The following AUTS2 variants were observed in gnomAD, a reference collection of about 807,000 sequenced individuals.
The protein encoded by AUTS2 is activator of transcription and developmental regulator AUTS2, also known as autism susceptibility gene 2 protein.
In AUTS2, 17 loss-of-function variants were observed where a neutral mutation model predicts 112.4. The observed-to-expected ratio is 0.15, with a 90% CI of 0.10 to 0.23. AUTS2 has a LOEUF of 0.23. Ranked by LOEUF, AUTS2 falls within the 10% of genes least tolerant of loss-of-function variation. The pLI, the probability that AUTS2 is intolerant of heterozygous loss-of-function variation, is 1.00. For missense variants in AUTS2, 1,510 were observed against 1,701.6 expected, an observed-to-expected ratio of 0.89 and a Z score of 1.98; for synonymous variants, 751 against 702.7, an observed-to-expected ratio of 1.07 and a Z score of -1.09.
Position 70,786,077 on chromosome 7 carries a change from T to C in AUTS2, c.2308+39T>C, listed in dbSNP as rs774962489. The C allele has an allele frequency of 1.9e-6, 3 of 1,556,622 alleles. No homozygotes were observed. The African/African-American group carries it at 4.1e-5, about 21-fold the overall frequency. On this transcript the variant is annotated intron_variant, in intron 17 of 18. Coordinates refer to ENST00000342771, the MANE Select transcript of AUTS2 (RefSeq NM_015570.4). ...ACTTTTAAAAATCTGCCTTGGACTT[T>C]TTATCTCCTGTGATCCGCATATGGC...
rs905392661 is a variant in AUTS2 at position 69,605,469 on chromosome 7, A to G, written c.309+5507A>G. Among the ~76,000 whole-genome samples the G allele has an allele frequency of 5.3e-5, 8 of 152,320 alleles. No individual in the cohort carries two copies. The East Asian group carries it at 1.2e-3, about 22-fold the overall frequency. On this transcript the variant is annotated intron_variant, in intron 1 of 18. Transcript: ENST00000342771. ...TTAATAGCTCTTTCAGTGTGATGATACTAGCCCAATTCTGATGCCACCAAG... is the reference window on the plus strand; with the variant it reads ...TTAATAGCTCTTTCAGTGTGATGATGCTAGCCCAATTCTGATGCCACCAAG...
chr7:69,843,337 G>C (rs974266412), intron 1 of AUTS2, among the ~76,000 whole-genome samples: 4 of 152,236 alleles, frequency 2.6e-5, no homozygotes, highest in African/African-American at 9.6e-5. Context: ...TGTTGGAATG[G>C]AGAGTAGTGA....
At chr7:69,991,781 A>G (rs1435389029) in intron 2 of AUTS2, among the ~76,000 whole-genome samples, 10 of 152,174 alleles carry the variant, frequency 6.6e-5, no homozygotes, top group Non-Finnish European at 1.2e-4. Context: ...AAAAATTGGG[A>G]AACTGAAGCT....
At position 69,779,050 on chromosome 7, in the gene AUTS2, T is replaced by TA. The variant is rs1554368326; in HGVS notation, c.310-120211dup. Among the ~76,000 whole-genome samples the TA allele has an allele frequency of 7.2e-3, 619 of 86,564 alleles. 4 individuals carry two copies. Among genetic ancestry groups the TA allele is most frequent in the East Asian group, 0.018 (45 of 2,526 alleles). 56.8% of individuals were successfully genotyped at this position (86,564 alleles called of 152,430 possible). The stretch of plus-strand genomic sequence containing the variant: ...ACATAGTTGTGAGCCTTTTTTTTTT[T>TA]AAAAAAAAAAAAAAAAAAAAAAAAA... On this transcript the variant is annotated intron_variant, in intron 1 of 18. Coordinates refer to ENST00000342771, the MANE Select transcript of AUTS2 (RefSeq NM_015570.4).
At chr7:70,763,964 C>T (rs114972244) in intron 7 of AUTS2, among the ~76,000 whole-genome samples, 4 of 152,172 alleles carry the variant, frequency 2.6e-5, no homozygotes, top group East Asian at 1.9e-4. Context: ...TACAAAGAAG[C>T]GTCTAAAAAG....
At chr7:70,277,380 T>G (rs1042152263) in intron 4 of AUTS2, among the ~76,000 whole-genome samples, 3 of 152,154 alleles carry the variant, frequency 2.0e-5, no homozygotes, top group Non-Finnish European at 4.4e-5. Flanking sequence ...AAGGGAGTGA[T>G]CAGGAGTGTT....
intron 2 of AUTS2, among the ~76,000 whole-genome samples, chr7:70,084,642 C>A (rs1032521805): frequency 8.7e-4 from 133 of 152,190 alleles, no homozygotes; most frequent in African/African-American, 3.1e-3. Context: ...TCATGTTGAG[C>A]ACCTTTTCAT....
At chr7:70,543,805 A>T (rs1263468099) in intron 5 of AUTS2, among the ~76,000 whole-genome samples, 3 of 152,196 alleles carry the variant, frequency 2.0e-5, no homozygotes, top group African/African-American at 7.2e-5. Context: ...TCTAACAGGT[A>T]TGGGAGTGCT....
At chr7:70,216,737 A>G (rs1212931160) in intron 4 of AUTS2, among the ~76,000 whole-genome samples, 2 of 152,176 alleles carry the variant, frequency 1.3e-5, no homozygotes, top group Non-Finnish European at 2.9e-5. Context: ...CTAGTTGCCC[A>G]TAGTGGTAGT....
chr7:70,694,052 G>C lies in AUTS2; in HGVS notation c.691-4517G>C, dbSNP rs1013934238. Reference sequence around the variant, plus strand: ...GCGCGCCGAGGAAGTCCCGCTCCGAGAGCTGCGAGCGTCTGGAGGAGGCGC... The same window carrying C: ...GCGCGCCGAGGAAGTCCCGCTCCGACAGCTGCGAGCGTCTGGAGGAGGCGC... On this transcript the variant is annotated intron_variant, in intron 5 of 18. Transcript: ENST00000342771. The surrounding 1 kb of genome is among the most constrained non-coding windows in gnomAD (Gnocchi z 4.1). 1 of 151,594 alleles carries C rather than the reference G, an allele frequency of 6.6e-6. No homozygotes were observed. Among genetic ancestry groups the C allele is most frequent in the African/African-American group, 2.4e-5 (1 of 41,408 alleles). The allele number at this position is 151,594 out of a possible 1,614,324, so 9.4% of individuals were successfully genotyped here.
At chr7:70,546,072 G>A (rs527586520) in intron 5 of AUTS2, among the ~76,000 whole-genome samples, 2 of 152,362 alleles carry the variant, frequency 1.3e-5, no homozygotes, top group South Asian at 2.1e-4. Flanking sequence ...TATATGTGGT[G>A]AATGGGCATT....
chr7:69,946,478 A>G (rs1796814334), intron 2 of AUTS2, among the ~76,000 whole-genome samples: 1 of 151,598 alleles, frequency 6.6e-6, no homozygotes, highest in African/African-American at 2.4e-5. Context: ...TCATTATGGC[A>G]TTATTCATAA....
intron 5 of AUTS2, among the ~76,000 whole-genome samples, chr7:70,544,836 T>C (rs1462651402): frequency 6.6e-6 from 1 of 152,108 alleles, no homozygotes; most frequent in Non-Finnish European, 1.5e-5. Context: ...AACAGTTTTC[T>C]CCTTCCCATG....
chr7:69,705,793 G>A (rs978011884), intron 1 of AUTS2, among the ~76,000 whole-genome samples: 1 of 152,154 alleles, frequency 6.6e-6, no homozygotes. Flanking sequence ...AGATCAAGGT[G>A]TTGAGAGGTT....
At chr7:69,783,741 T>G (rs1789244997) in intron 1 of AUTS2, among the ~76,000 whole-genome samples, 1 of 152,196 alleles carries the variant, frequency 6.6e-6, no homozygotes, top group Non-Finnish European at 1.5e-5. Context: ...GCTTTTGAAC[T>G]TTTCTTTCCC....
intron 2 of AUTS2, among the ~76,000 whole-genome samples, chr7:70,106,777 GGTT>G (rs1224022644): frequency 2.0e-5 from 3 of 152,028 alleles, no homozygotes; most frequent in Admixed American, 6.6e-5. Context: ...CTTTTATAAA[GGTT>G]GTTGTTGTTA....
intron 4 of AUTS2, among the ~76,000 whole-genome samples, chr7:70,197,261 C>CCA (rs10618080): frequency 0.011 from 1,633 of 149,182 alleles, 8 homozygotes; most frequent in African/African-American, 0.025. Context: ...AATTCTTAGT[C>CCA]CACACACACA....
At chr7:70,708,401 G>T (rs555718729) in intron 6 of AUTS2, among the ~76,000 whole-genome samples, 1 of 152,184 alleles carries the variant, frequency 6.6e-6, no homozygotes, top group South Asian at 2.1e-4. Flanking sequence ...TCGTTCAATT[G>T]GCTTAAGGTG....
intron 2 of AUTS2, among the ~76,000 whole-genome samples, chr7:70,113,250 T>C (rs922647444): frequency 6.6e-6 from 1 of 152,152 alleles, no homozygotes; most frequent in Non-Finnish European, 1.5e-5. Flanking sequence ...TTACTTATTG[T>C]AGTTATTTTG....
Sources: allele counts gnomAD v4.1 joint callset (sites outside exome capture counted in the v4.1 genomes callset), GRCh38; gene constraint gnomAD v4.1.1; non-coding constraint Gnocchi (gnomAD v3.1); transcripts MANE v1.5; gene names NCBI Gene and HGNC (gene_info 2026-07-23, HGNC 2026-07-21).